Variants in PLXND1 observed in about 807,000 individuals in gnomAD.
PLXND1 encodes plexin-D1.
A neutral mutation model predicts 197.7 loss-of-function variants in PLXND1; 54 were observed. The ratio of observed to expected loss-of-function variants is 0.27; its 90% confidence interval spans 0.22 to 0.34. The LOEUF (loss-of-function observed/expected upper bound fraction) is 0.34. PLXND1 is among the 10% of genes least tolerant of loss of function. PLXND1 has a pLI of 1.00. For missense variants in PLXND1, 2,127 were observed against 2,699.2 expected (o/e 0.79, Z 4.70); for synonymous variants, 1,180 against 1,161.2 (o/e 1.02, Z -0.33).
At chr3:129,559,462 A>G (rs563639902) in intron 32 of PLXND1, 158 bp downstream of exon 32, 1 of 607,560 alleles carries the variant, frequency 1.6e-6, no homozygotes, top group South Asian at 2.4e-5. Flanking sequence ...AAACTGAAGC[A>G]CAGAGAGGCT....
intron 1 of PLXND1, among the ~76,000 whole-genome samples, chr3:129,597,994 T>G (rs1229927391): frequency 1.3e-5 from 2 of 152,104 alleles, no homozygotes; most frequent in Admixed American, 1.3e-4. Context: ...TGCCAGCACC[T>G]GGCAGGGCCA....
chr3:129,571,360 G>A (rs2108775210), intron 17 of PLXND1, 57 bp from the exon 18 acceptor site: 1 of 1,580,498 alleles, frequency 6.3e-7, no homozygotes, highest in Non-Finnish European at 8.6e-7. Context: ...GATGGGCATG[G>A]AGAAACGGTG....
At position 129,580,023 on chromosome 3, in the gene PLXND1, AT is replaced by A. The variant is rs575148318; in HGVS notation, c.2242-1591del. ...GTTCTGAGCACTTTGCACTCTTTTAATTTACCAAATTCTACTCCCAACAACC... is the reference window on the plus strand; with the variant it reads ...GTTCTGAGCACTTTGCACTCTTTTAATTACCAAATTCTACTCCCAACAACC... On this transcript the variant is annotated intron_variant, in intron 8 of 35. Coordinates refer to ENST00000324093, the MANE Select transcript of PLXND1 (RefSeq NM_015103.3). Among the ~76,000 whole-genome samples the A allele has an allele frequency of 1.6e-3, 236 of 152,226 alleles. 3 individuals are homozygous for A. The highest frequency in any genetic ancestry group is 5.4e-3 in the African/African-American group (225 of 41,528).
Position 129,566,135 on chromosome 3 carries a change from C to T in PLXND1, c.4192-118G>A, listed in dbSNP as rs146453977. The T allele has an allele frequency of 4.5e-4, 460 of 1,018,510 alleles. 4 individuals carry two copies. The African/African-American group carries it at 6.5e-3, about 14-fold the overall frequency. The allele number at this position is 1,018,510 out of a possible 1,614,324, so 63.1% of individuals were successfully genotyped here. On this transcript the variant is annotated intron_variant, in intron 23 of 35. Transcript: ENST00000324093. ...CCTGGGATGGGGAGCTCATTACCTT[C>T]CACGGTGGATGCCTCCTAACCTTTG...
chr3:129,564,902 T>C (rs1384737687), intron 25 of PLXND1, among the ~76,000 whole-genome samples: 1 of 152,224 alleles, frequency 6.6e-6, no homozygotes, highest in East Asian at 1.9e-4. Context: ...CCTTGAAGCC[T>C]TCAGACAGAG....
rs1416714939 is a variant in PLXND1 at position 129,595,917 on chromosome 3, G to GCACACACACA, written c.1312-6391_1312-6390insTGTGTGTGTG. On this transcript the variant is annotated intron_variant, in intron 1 of 35. Coordinates refer to ENST00000324093, the MANE Select transcript of PLXND1 (RefSeq NM_015103.3). The stretch of plus-strand genomic sequence containing the variant: ...GCACCTTACAGCCCTGGGGGTGCAC[G>GCACACACACA]CACGCACACACACACACACACACAC... Among the ~76,000 whole-genome samples, 6 of 23,136 alleles carry GCACACACACA rather than the reference G, an allele frequency of 2.6e-4. No individual in the cohort carries two copies. The South Asian group carries it at 8.0e-3, about 31-fold the overall frequency. The allele number at this position is 23,136 out of a possible 152,430, so 15.2% of individuals were successfully genotyped here. A position where few individuals can be genotyped will look rare whatever the true frequency, so the allele number is the denominator to read the frequency against.
chr3:129,578,028 T>G (rs2085337996), intron 9 of PLXND1, among the ~76,000 whole-genome samples: 1 of 152,186 alleles, frequency 6.6e-6, no homozygotes, highest in Non-Finnish European at 1.5e-5. Flanking sequence ...ACCCTCCGGC[T>G]GTGGCACGGG....
intron 1 of PLXND1, among the ~76,000 whole-genome samples, chr3:129,602,571 T>C (rs2085725473): frequency 6.6e-6 from 1 of 152,136 alleles, no homozygotes; most frequent in Admixed American, 6.5e-5. Context: ...TGAGTTGCCA[T>C]TGGCTCCCCA....
intron 2 of PLXND1, 41 bp downstream of exon 2, chr3:129,589,310 T>TGCCCCCCCCCCCCCCCCCCCCCCCACCCC: frequency 2.0e-6 from 1 of 501,294 alleles, no homozygotes; most frequent in Non-Finnish European, 3.8e-6. Flanking sequence ...CAGGGGAGCC[T>TGCCCCCCCCCCCCCCCCCCCCCCCACCCC]CCCACCCCCA....
At chr3:129,583,985 T>A (rs1464841291) in intron 7 of PLXND1, 140 bp downstream of exon 7, 4 of 649,600 alleles carry the variant, frequency 6.2e-6, no homozygotes, top group Non-Finnish European at 8.4e-6. Flanking sequence ...ATAAATGTGC[T>A]GGTGAATGAA....
rs569306898 is a variant in PLXND1, at chr3:129,560,379, C to T, written c.5084G>A (p.Arg1695His). The change falls in exon 31 of 36, where the codon CGC becomes CAC. Residue 1695 changes from arginine to histidine, a missense_variant. By Grantham distance (29) the Arg-to-His change is conservative. Coordinates refer to ENST00000324093, the MANE Select transcript of PLXND1 (RefSeq NM_015103.3). ...GTAGATTTCCGGGAGCACCTTCTTGCGATGGCTCTGCCGGTGAGACTTCTT... is the reference window on the plus strand; with the variant it reads ...GTAGATTTCCGGGAGCACCTTCTTGTGATGGCTCTGCCGGTGAGACTTCTT... ...EPKKSHRQSH[R>H]KKVLPEIYLT... 1.3e-4 allele frequency: 203 copies of T among 1,614,002 alleles called. 1 individual carries two copies. The highest frequency in any genetic ancestry group is 9.8e-5 in the Non-Finnish European group (116 of 1,179,866).
rs56171137 is a variant in PLXND1, at chr3:129,559,611, A to C, written c.5297+9T>G. 1 of 1,584,038 alleles carries C rather than the reference A, an allele frequency of 6.3e-7. No homozygotes were observed. Among genetic ancestry groups the C allele is most frequent in the Non-Finnish European group, 8.6e-7 (1 of 1,164,378 alleles). ...ACAGTGAAGTCCACACGGCCCCCCC[A>C]CCCGCCACCTGTTGGTCTTCCAGAT... On this transcript the variant is annotated intron_variant, in intron 32 of 35. Transcript: ENST00000324093.
Position 129,571,279 on chromosome 3 carries a change from G to C in PLXND1, c.3361C>G (p.Leu1121Val). Residue 1121 changes from leucine to valine, a missense_variant, in exon 18 of 36, where the codon CTC becomes GTC. By Grantham distance (32) the Leu-to-Val change is conservative (BLOSUM62 1). Transcript: ENST00000324093. Reference protein sequence around the residue: ...PTLCKVLNSTLITCPSPGALS... With the variant: ...PTLCKVLNSTVITCPSPGALS... ...GCCCCGGGGGACGGGCAGGTGATGA[G>C]GGTGGAGTTGAGAACCTTGCAGAGC... 1 of 1,613,520 alleles carries C rather than the reference G, an allele frequency of 6.2e-7. No homozygotes were observed.
chr3:129,560,796 G>T, intron 29 of PLXND1, 73 bp from the exon 30 acceptor site: 1 of 915,794 alleles, frequency 1.1e-6, no homozygotes, highest in African/African-American at 1.6e-5. Context: ...ACAGAAAGAT[G>T]GAGTGAGAAA....
At chr3:129,574,308 G>A (rs751522592) in intron 12 of PLXND1, 28 bp downstream of exon 12, 67 of 1,560,940 alleles carry the variant, frequency 4.3e-5, no homozygotes, top group Non-Finnish European at 5.6e-5. Flanking sequence ...GAGTGCGGGT[G>A]CCACGTGCCT....
At chr3:129,561,378 G>A (rs974316931) in intron 29 of PLXND1, among the ~76,000 whole-genome samples, 3 of 152,308 alleles carry the variant, frequency 2.0e-5, no homozygotes, top group East Asian at 1.9e-4. Flanking sequence ...CTTCTGGCCT[G>A]GCTGCTGCCC....
intron 9 of PLXND1, among the ~76,000 whole-genome samples, chr3:129,576,581 C>T (rs970225029): frequency 4.6e-5 from 7 of 152,194 alleles, no homozygotes; most frequent in African/African-American, 1.7e-4. Context: ...GGTCAGGGCT[C>T]GGCCGCTCTG....
Position 129,555,777 on chromosome 3 carries a change from C to T in PLXND1, c.*535G>A, listed in dbSNP as rs1046678075. 1 of 471,212 alleles carries T rather than the reference C, an allele frequency of 2.1e-6. No individual in the cohort carries two copies. Among genetic ancestry groups the T allele is most frequent in the Non-Finnish European group, 3.7e-6 (1 of 269,590 alleles). The allele number at this position is 471,212 out of a possible 1,614,324, so 29.2% of individuals were successfully genotyped here. A position where few individuals can be genotyped will look rare whatever the true frequency, so the allele number is the denominator to read the frequency against. ...AGCCGCCCAAGCAACAAAAATCTGA[C>T]ACTACTTGAAACTGTCTGTGGCCAG... On this transcript the variant is annotated 3_prime_UTR_variant, in exon 36 of 36. Transcript: ENST00000324093.
chr3:129,563,022 A>G (rs2085084236), intron 26 of PLXND1, 72 bp downstream of exon 26: 2 of 1,610,730 alleles, frequency 1.2e-6, no homozygotes, highest in South Asian at 2.2e-5. Context: ...AAGGCCCTGC[A>G]GAGGAAGGCT....
Sources: allele counts gnomAD v4.1 joint callset (sites outside exome capture counted in the v4.1 genomes callset), GRCh38; gene constraint gnomAD v4.1.1; transcripts MANE v1.5; gene names NCBI Gene and HGNC (gene_info 2026-07-23, HGNC 2026-07-21).